FGF12: variants seen among roughly 807,000 people sequenced by gnomAD.
The protein encoded by FGF12 is fibroblast growth factor 12B.
FGF12 carries 14 observed loss-of-function variants against 23.6 expected under a neutral mutation model. The ratio of observed to expected loss-of-function variants is 0.59; its 90% CI spans 0.39 to 0.93. FGF12 has a LOEUF of 0.93. Ranked by LOEUF, FGF12 falls within the 40% of genes least tolerant of loss-of-function variation. The pLI is 0.00. For missense variants in FGF12, 175 were observed against 217.8 expected, an observed-to-expected ratio of 0.80 and a Z score of 1.24; for synonymous variants, 62 against 77.3, an observed-to-expected ratio of 0.80 and a Z score of 1.04.
At chr3:192,615,180 A>G (rs1714709673) in intron 2 of FGF12, among the ~76,000 whole-genome samples, 1 of 151,996 alleles carries the variant, frequency 6.6e-6, no homozygotes, top group African/African-American at 2.4e-5. Context: ...TGACAGGAAG[A>G]AAATAATATA....
chr3:192,536,681 T>C (rs567733605), intron 2 of FGF12, among the ~76,000 whole-genome samples: 1 of 152,208 alleles, frequency 6.6e-6, no homozygotes, highest in Admixed American at 6.5e-5. Flanking sequence ...TTTTTGTGGG[T>C]ACATACTGGG....
At chr3:192,516,842 A>C (rs536448244) in intron 2 of FGF12, 1 of 152,396 alleles carries the variant, frequency 6.6e-6, no homozygotes, top group East Asian at 1.9e-4. Context: ...ATGCAGCCCC[A>C]GGGCAACCTG....
chr3:192,470,160 G>T (rs543859455), intron 2 of FGF12, among the ~76,000 whole-genome samples: 112 of 152,066 alleles, frequency 7.4e-4, no homozygotes, highest in Admixed American at 1.8e-3. Context: ...CCAATAATAA[G>T]ATCAGTCTTT....
At chr3:192,501,026 T>C (rs1189124669) in intron 2 of FGF12, among the ~76,000 whole-genome samples, 1 of 152,206 alleles carries the variant, frequency 6.6e-6, no homozygotes, top group Non-Finnish European at 1.5e-5. Context: ...GATAAATTTC[T>C]TTTAACAGGC....
chr3:192,711,028 A>G lies in FGF12; in HGVS notation c.13+16153T>C, dbSNP rs926775385. Reference sequence around the variant, plus strand: ...TCTACAACTAAGATCATTGACAACAAGCCCCACCCATGAACACAGAGCTTC... The same window carrying G: ...TCTACAACTAAGATCATTGACAACAGGCCCCACCCATGAACACAGAGCTTC... On this transcript the variant is annotated intron_variant, in intron 2 of 5. Coordinates refer to ENST00000445105, the MANE Select transcript of FGF12 (RefSeq NM_004113.6). Among the ~76,000 whole-genome samples, 7 of 152,182 alleles carry G rather than the reference A, an allele frequency of 4.6e-5. 1 individual carries two copies. In the East Asian group the frequency reaches 1.3e-3, roughly 29 times the overall value.
At chr3:192,613,922 A>AT (rs1396520557) in intron 2 of FGF12, among the ~76,000 whole-genome samples, 26 of 151,964 alleles carry the variant, frequency 1.7e-4, no homozygotes, top group African/African-American at 6.3e-4. Context: ...ATGTAAATTA[A>AT]TTCATTTATC....
In FGF12 at chr3:192,389,028, C is replaced by T. The variant is rs113252549; in HGVS notation, c.14-28490G>A. 3.4e-3 allele frequency among the ~76,000 whole-genome samples: 523 copies of T among 152,220 alleles called. 1 individual carries two copies. The highest frequency in any genetic ancestry group is 6.1e-3 in the Non-Finnish European group (417 of 68,018). Reference sequence around the variant, plus strand: ...AAAAAATAAAAGGATACTCTTACAACGAAACATAATTAATGGCTAACCAAT... The same window carrying T: ...AAAAAATAAAAGGATACTCTTACAATGAAACATAATTAATGGCTAACCAAT... On this transcript the variant is annotated intron_variant, in intron 2 of 5. Transcript: ENST00000445105.
At chr3:192,616,913 A>G (rs1714777523) in intron 2 of FGF12, among the ~76,000 whole-genome samples, 1 of 152,060 alleles carries the variant, frequency 6.6e-6, no homozygotes, top group Non-Finnish European at 1.5e-5. Context: ...GAGAGATGTC[A>G]GAATGTGCAG....
chr3:192,525,585 C>G (rs374775506), intron 2 of FGF12, among the ~76,000 whole-genome samples: 27 of 152,292 alleles, frequency 1.8e-4, no homozygotes, highest in African/African-American at 6.3e-4. Flanking sequence ...AATTTAGCCT[C>G]CATACTGCCA....
chr3:192,242,160 A>C (rs1719647380), intron 4 of FGF12, among the ~76,000 whole-genome samples: 2 of 152,218 alleles, frequency 1.3e-5, no homozygotes, highest in Admixed American at 1.3e-4. Flanking sequence ...AATGATTAAA[A>C]TAAATTGATG....
At chr3:192,558,021 GCA>G (rs1711861275) in intron 2 of FGF12, among the ~76,000 whole-genome samples, 3 of 151,804 alleles carry the variant, frequency 2.0e-5, no homozygotes, top group South Asian at 2.1e-4. Flanking sequence ...AGGCAAAAAT[GCA>G]CAGTCTCACC....
At chr3:192,633,933 A>G (rs984378986) in intron 2 of FGF12, among the ~76,000 whole-genome samples, 2 of 152,122 alleles carry the variant, frequency 1.3e-5, no homozygotes, top group East Asian at 1.9e-4. Flanking sequence ...TTATAACTGT[A>G]TATCGTTGTT....
chr3:192,580,319 A>ATT (rs35909508), intron 2 of FGF12, among the ~76,000 whole-genome samples: 88 of 146,782 alleles, frequency 6.0e-4, no homozygotes, highest in African/African-American at 8.5e-4. Context: ...CAACATTTCT[A>ATT]TTTTTTTTTT....
chr3:192,394,845 G>A (rs955431335), intron 2 of FGF12, among the ~76,000 whole-genome samples: 3 of 152,142 alleles, frequency 2.0e-5, no homozygotes, highest in Admixed American at 1.3e-4. Context: ...TAAGAGAAAA[G>A]AAGAAAAACA....
intron 5 of FGF12, 104 bp from the exon 6 acceptor site, chr3:192,144,231 CTCT>C: frequency 4.6e-6 from 3 of 647,216 alleles, no homozygotes; most frequent in South Asian, 4.0e-5. Context: ...TCATCACAAG[CTCT>C]TCTTCTCATT....
At chr3:192,248,499 C>G (rs1711787809) in intron 4 of FGF12, among the ~76,000 whole-genome samples, 1 of 152,186 alleles carries the variant, frequency 6.6e-6, no homozygotes, top group African/African-American at 2.4e-5. Context: ...AGTTAAGATT[C>G]TTGGATGATC....
intron 2 of FGF12, among the ~76,000 whole-genome samples, chr3:192,464,786 A>C (rs1397545384): frequency 6.6e-6 from 1 of 152,114 alleles, no homozygotes; most frequent in African/African-American, 2.4e-5. Context: ...GGGGAAGGGT[A>C]GTGCAAGCCT....
At chr3:192,269,664 G>C (rs1402197052) in intron 4 of FGF12, among the ~76,000 whole-genome samples, 1 of 152,108 alleles carries the variant, frequency 6.6e-6, no homozygotes, top group East Asian at 1.9e-4. Flanking sequence ...CACTAGGTTG[G>C]AGCCAATTTT....
intron 2 of FGF12, among the ~76,000 whole-genome samples, chr3:192,628,008 A>G (rs1158063472): frequency 6.6e-6 from 1 of 151,948 alleles, no homozygotes; most frequent in Non-Finnish European, 1.5e-5. Flanking sequence ...TTCCCACCCT[A>G]CCAACTGATC....
Sources: gnomAD v4.1 joint callset for allele counts (sites outside exome capture counted in the v4.1 genomes callset) on GRCh38, gnomAD v4.1.1 for gene constraint, MANE v1.5 for transcripts, NCBI Gene and HGNC (gene_info 2026-07-23, HGNC 2026-07-21) for gene names.